Variants in MCM6 observed in about 807,000 individuals in gnomAD.
MCM6 encodes the protein minichromosome maintenance complex component 6.
A neutral mutation model predicts 94.3 loss-of-function variants in MCM6; 46 were observed. The ratio of observed to expected loss-of-function variants is 0.49; its 90% CI spans 0.39 to 0.62. MCM6 has a LOEUF of 0.62. MCM6 is among the 20% of genes least tolerant of loss of function. The pLI, the probability that MCM6 is intolerant of heterozygous loss-of-function variation, is 0.00. For synonymous variants in MCM6, 335 were observed against 351.9 expected, an observed-to-expected ratio of 0.95 and a Z score of 0.54; for missense variants, 865 against 1,017.9, an observed-to-expected ratio of 0.85 and a Z score of 2.04.
In MCM6 at chr2:135,858,304, T is replaced by C. The variant is rs187123637; in HGVS notation, c.1363-300A>G. Among the ~76,000 whole-genome samples the C allele has an allele frequency of 1.1e-3, 174 of 152,188 alleles. 1 individual carries two copies. The highest frequency in any genetic ancestry group is 4.0e-3 in the African/African-American group (167 of 41,516). ...GAGTTCGAGACCAGCCTGGCCAACA[T>C]GGTGAAACCCCGTCTCTACTGAAAA... On this transcript the variant is annotated intron_variant, in intron 9 of 16. Coordinates refer to ENST00000264156, the MANE Select transcript of MCM6 (RefSeq NM_005915.6).
At chr2:135,849,834 C>A (rs1679740323) in intron 13 of MCM6, among the ~76,000 whole-genome samples, 1 of 151,848 alleles carries the variant, frequency 6.6e-6, no homozygotes, top group South Asian at 2.1e-4. Flanking sequence ...TTTTTATAAT[C>A]TTAGAGTGAG....
In MCM6 at chr2:135,860,524, A is replaced by G. The variant is rs12617885; in HGVS notation, c.1221-1082T>C. Among the ~76,000 whole-genome samples, 1,312 of 152,334 alleles carry G rather than the reference A, an allele frequency of 8.6e-3. 95 individuals carry two copies. In the East Asian group the frequency reaches 0.18, roughly 21 times the overall value. On this transcript the variant is annotated intron_variant, in intron 8 of 16. Transcript: ENST00000264156. ...TTGCAATTAAAAATAAAACAAAACA[A>G]AACTAGATATGGGGCTTATTCCAGA...
At chr2:135,847,731 T>C (rs1679698704) in intron 14 of MCM6, among the ~76,000 whole-genome samples, 1 of 152,158 alleles carries the variant, frequency 6.6e-6, no homozygotes, top group East Asian at 1.9e-4. Flanking sequence ...GCCTGGCTAA[T>C]TTTTGCATTT....
At chr2:135,876,050 G>A (rs1680290153) in intron 1 of MCM6, among the ~76,000 whole-genome samples, 1 of 152,184 alleles carries the variant, frequency 6.6e-6, no homozygotes. Flanking sequence ...CTTAGGGCTC[G>A]AGATGGGTTT....
rs769091551 is a variant in MCM6, at chr2:135,840,929, G to T, written c.2372C>A (p.Thr791Asn). ...THYDHVLIELTQAGLKGSTEG... is the reference protein window; with the variant it reads ...THYDHVLIELNQAGLKGSTEG... ...TGTGGAGCCTTTCAATCCAGCCTGG[G>T]TGAGCTCAATTAGAACATGATCCTG... Residue 791 changes from threonine (T) to asparagine (N), a missense_variant, in exon 17 of 17, where the codon ACC becomes AAC. By Grantham distance (65) the Thr-to-Asn change is moderately conservative. Around this residue, in one of 3 missense-constraint regions of MCM6, gnomAD observed 308 missense variants for 324.5 expected, o/e 0.95. Transcript: ENST00000264156. The T allele has an allele frequency of 6.2e-7, 1 of 1,613,928 alleles. No homozygotes were observed. The highest frequency in any genetic ancestry group is 8.5e-7 in the Non-Finnish European group (1 of 1,179,790).
chr2:135,868,475 A>C (rs1680141126), intron 4 of MCM6, 136 bp downstream of exon 4: 1 of 859,966 alleles, frequency 1.2e-6, no homozygotes. Flanking sequence ...TTTGGGCTTA[A>C]CTTTGTAGTC....
chr2:135,856,592 G>T (rs1679896218), intron 11 of MCM6, 136 bp downstream of exon 11: 1 of 783,736 alleles, frequency 1.3e-6, no homozygotes, highest in Admixed American at 2.9e-5. Context: ...TAAACCCTTT[G>T]TCCGATCCTG....
At chr2:135,867,377 C>G (rs1435577) in intron 4 of MCM6, among the ~76,000 whole-genome samples, 26,634 of 151,954 alleles carry the variant, frequency 0.18, 2,681 homozygotes, top group Middle Eastern at 0.39. Flanking sequence ...GTTCCCCCCC[C>G]CAAACTAAGA....
chr2:135,866,036 A>T lies in MCM6; in HGVS notation c.927+96T>A, dbSNP rs1575366382. 7 of 1,348,768 alleles carry T rather than the reference A, an allele frequency of 5.2e-6. No homozygotes were observed. In the South Asian group the frequency reaches 5.4e-5, roughly 10 times the overall value. The allele number at this position is 1,348,768 out of a possible 1,614,324, so 83.6% of individuals were successfully genotyped here. On this transcript the variant is annotated intron_variant, in intron 6 of 16. Transcript: ENST00000264156. ...AGGATCACTTGAGCCCAGAAAGTGG[A>T]GGCTACAGTGAGCCATGACTTTGCC...
At position 135,876,440 on chromosome 2, in the gene MCM6, T is replaced by G. The variant is rs1680300955; in HGVS notation, c.-75A>C. 1.5e-5 allele frequency: 19 copies of G among 1,229,518 alleles called. No individual in the cohort carries two copies. Among genetic ancestry groups the G allele is most frequent in the Middle Eastern group, 2.0e-4 (1 of 5,062 alleles). The allele number at this position is 1,229,518 out of a possible 1,614,324, so 76.2% of individuals were successfully genotyped here. The stretch of plus-strand genomic sequence containing the variant: ...TCGCTTTTTTCCAGACGCTGCAGCT[T>G]TGCGCGCGCCGCCGCCGCTTCCGCC... On this transcript the variant is annotated 5_prime_UTR_variant, in exon 1 of 17. Coordinates refer to ENST00000264156, the MANE Select transcript of MCM6 (RefSeq NM_005915.6).
chr2:135,853,557 T>A (rs1019271059), intron 11 of MCM6, among the ~76,000 whole-genome samples: 2 of 152,134 alleles, frequency 1.3e-5, no homozygotes, highest in East Asian at 3.9e-4. Context: ...CTCACAAAAA[T>A]TTTATTAGGT....
chr2:135,861,525 T>C (rs1679992341), intron 8 of MCM6, among the ~76,000 whole-genome samples: 1 of 152,212 alleles, frequency 6.6e-6, no homozygotes, highest in East Asian at 1.9e-4. Flanking sequence ...TATTATAGCT[T>C]CTAAAAACAG....
At chr2:135,865,621 A>G (rs542181179) in intron 6 of MCM6, among the ~76,000 whole-genome samples, 54 of 152,352 alleles carry the variant, frequency 3.5e-4, no homozygotes, top group Middle Eastern at 3.4e-3. Context: ...CTCCAGAAGA[A>G]TAACAGAGGA....
chr2:135,876,333 G>A lies in MCM6; in HGVS notation c.33C>T (p.Ala11=), dbSNP rs999059728. 2 of 1,609,554 alleles carry A rather than the reference G, an allele frequency of 1.2e-6. No individual in the cohort carries two copies. Among genetic ancestry groups the A allele is most frequent in the Non-Finnish European group, 1.7e-6 (2 of 1,179,220 alleles). The part of the protein sequence containing the change: MDLAAAAEPG[A]GSQHLEVRDE... ...CGCGGACCTCCAGGTGCTGGCTGCCGGCGCCCGGCTCCGCTGCCGCCGCGA... is the reference window on the plus strand; with the variant it reads ...CGCGGACCTCCAGGTGCTGGCTGCCAGCGCCCGGCTCCGCTGCCGCCGCGA... The change falls in exon 1 of 17, where the codon GCC becomes GCT. Residue 11 remains alanine, a synonymous_variant. Coordinates refer to ENST00000264156, the MANE Select transcript of MCM6 (RefSeq NM_005915.6).
At position 135,852,891 on chromosome 2, in the gene MCM6, G is replaced by A. The variant is rs564036914; in HGVS notation, c.1651C>T (p.Arg551Cys). The A allele has an allele frequency of 3.1e-6, 5 of 1,608,202 alleles. No individual in the cohort carries two copies. Among genetic ancestry groups the A allele is most frequent in the East Asian group, 2.3e-5 (1 of 44,406 alleles). The change falls in exon 12 of 17, where the codon CGC becomes TGC. Residue 551 changes from arginine (R) to cysteine (C), a missense_variant. Arg to Cys is a radical substitution (Grantham distance 180). Around this residue, in one of 3 missense-constraint regions of MCM6, gnomAD observed 153 missense variants for 241.5 expected, o/e 0.63. Transcript: ENST00000264156. ...ATTCTTGAATGCAAATCTACTATGC[G>A]CCTGGCAATGGCATAATCTGTAACC... ...NEVTDYAIARRIVDLHSRIEE... is the reference protein window; with the variant it reads ...NEVTDYAIARCIVDLHSRIEE...
At chr2:135,873,259 CA>C (rs1242041088) in intron 1 of MCM6, among the ~76,000 whole-genome samples, 5 of 152,130 alleles carry the variant, frequency 3.3e-5, no homozygotes, top group Admixed American at 2.6e-4. Flanking sequence ...TGCTAACTAA[CA>C]AAAAAACCCA....
intron 13 of MCM6, 66 bp downstream of exon 13, chr2:135,851,336 A>G (rs989764446): frequency 2.2e-6 from 3 of 1,336,568 alleles, no homozygotes; most frequent in Non-Finnish European, 3.1e-6. Flanking sequence ...GTCCCATACC[A>G]AAGATTAAAA....
intron 14 of MCM6, among the ~76,000 whole-genome samples, chr2:135,847,020 C>A (rs1245540760): frequency 1.3e-5 from 2 of 150,200 alleles, no homozygotes; most frequent in Admixed American, 6.6e-5. Flanking sequence ...TAAAAAAAAA[C>A]AAAAAACAAA....
chr2:135,855,403 G>C (rs1679854897), intron 11 of MCM6, among the ~76,000 whole-genome samples: 1 of 152,058 alleles, frequency 6.6e-6, no homozygotes, highest in Non-Finnish European at 1.5e-5. Context: ...TGATGGTGCA[G>C]GCCTACAATC....
Sources: gnomAD v4.1 joint callset for allele counts (sites outside exome capture counted in the v4.1 genomes callset) on GRCh38, gnomAD v4.1.1 for gene constraint, gnomAD v4.1.1 regional missense constraint, MANE v1.5 for transcripts, NCBI Gene and HGNC (gene_info 2026-07-23, HGNC 2026-07-21) for gene names.